The following TMEM269 variants were observed in gnomAD, a reference collection of about 807,000 sequenced individuals.
The protein encoded by TMEM269 is transmembrane protein 269.
In TMEM269, 12 loss-of-function variants were observed where a neutral mutation model predicts 15.8. The observed-to-expected ratio is 0.76, with a 90% CI of 0.49 to 1.23. The LOEUF (loss-of-function observed/expected upper bound fraction) is 1.23. Among genes scored for constraint, TMEM269 ranks in the 50% most tolerant of loss-of-function variants. The pLI is 0.00. For missense variants in TMEM269, 211 were observed against 245.4 expected (o/e 0.86, Z 0.94); for synonymous variants, 93 against 99.3 (o/e 0.94, Z 0.38).
At chr1:42,794,720 A>G in intron 5 of TMEM269, 107 bp downstream of exon 5, 1 of 782,194 alleles carries the variant, frequency 1.3e-6, no homozygotes, top group South Asian at 1.7e-5. Context: ...ATTTTTCCCC[A>G]TAGAACTGAT....
At chr1:42,796,214 C>T (rs1476736225) in intron 5 of TMEM269, among the ~76,000 whole-genome samples, 1 of 152,194 alleles carries the variant, frequency 6.6e-6, no homozygotes, top group South Asian at 2.1e-4. Flanking sequence ...CTTCTCCTAT[C>T]TCATAACAGT....
Position 42,798,484 on chromosome 1 carries a change from A to G in TMEM269, c.*259A>G, listed in dbSNP as rs1653827287. 1 of 422,236 alleles carries G rather than the reference A, an allele frequency of 2.4e-6. No homozygotes were observed. Among genetic ancestry groups the G allele is most frequent in the Admixed American group, 3.6e-5 (1 of 28,124 alleles). 26.2% of individuals were successfully genotyped at this position (422,236 alleles called of 1,614,324 possible). A position where few individuals can be genotyped will look rare whatever the true frequency, so the allele number is the denominator to read the frequency against. ...CAGAATATCCCCCCGCCTCAAGCTC[A>G]ATGTGGGCTGGGTTTGGGTTCCAGC... On this transcript the variant is annotated 3_prime_UTR_variant, in exon 6 of 6. Coordinates refer to ENST00000637012, the MANE Select transcript of TMEM269 (RefSeq NM_001354602.2).
chr1:42,796,026 C>T (rs1285736633), intron 5 of TMEM269, among the ~76,000 whole-genome samples: 1 of 152,206 alleles, frequency 6.6e-6, no homozygotes, highest in Non-Finnish European at 1.5e-5. Context: ...CTAACTCTAG[C>T]ACATATTAGT....
chr1:42,791,668 A>C (rs1241847325), intron 2 of TMEM269, among the ~76,000 whole-genome samples: 1 of 152,252 alleles, frequency 6.6e-6, no homozygotes, highest in East Asian at 1.9e-4. Flanking sequence ...AACTAGAATA[A>C]GAAAAGCAAA....
intron 2 of TMEM269, 94 bp from the exon 3 acceptor site, chr1:42,792,711 G>A (rs1653718753): frequency 1.3e-6 from 1 of 745,056 alleles, no homozygotes; most frequent in African/African-American, 1.7e-5. Context: ...AAGTATATTA[G>A]TGTATACTAA....
In TMEM269 at chr1:42,794,533, T is replaced by G. The variant is rs566183262; in HGVS notation, c.404T>G (p.Leu135Arg). The G allele has an allele frequency of 1.7e-5, 26 of 1,550,706 alleles. No homozygotes were observed. In the African/African-American group the frequency reaches 3.6e-4, roughly 21 times the overall value. ...ILCCMASLMI[L>R]FMMDQSYYPY... ...TGCTGCATGGCCTCACTCATGATTC[T>G]CTTCATGATGGACCAGAGCTACTAT... Residue 135 changes from leucine to arginine, a missense_variant, in exon 5 of 6, where the codon CTC becomes CGC. Transcript: ENST00000637012.
chr1:42,798,343 G>A lies in TMEM269; in HGVS notation c.*118G>A. ...TGTGTTGCCATATACTAGATATATG[G>A]TATGTCTGTTGCCATGAAGTTAGAA... On this transcript the variant is annotated 3_prime_UTR_variant, in exon 6 of 6. Coordinates refer to ENST00000637012, the MANE Select transcript of TMEM269 (RefSeq NM_001354602.2). 7.6e-7 allele frequency: 1 copy of A among 1,313,156 alleles called. No homozygotes were observed. The highest frequency in any genetic ancestry group is 2.5e-5 in the East Asian group (1 of 39,478). The allele number at this position is 1,313,156 out of a possible 1,614,324, so 81.3% of individuals were successfully genotyped here.
chr1:42,789,531 G>A, intron 1 of TMEM269: 1 of 1,524,288 alleles, frequency 6.6e-7, no homozygotes, highest in Non-Finnish European at 8.8e-7. Context: ...GGGCAAAGGT[G>A]CAGTCAGAGA....
In TMEM269 at chr1:42,787,089, CTG is replaced by C. The variant is rs1570502246; in HGVS notation, c.-99+2010_-99+2011del. ...CATTTCCTTGGATAGGTTGTAAACT[CTG>C]TGATGGTAGGGACCAAGGTTTCTAC... On this transcript the variant is annotated intron_variant, in intron 1 of 5. Coordinates refer to ENST00000637012, the MANE Select transcript of TMEM269 (RefSeq NM_001354602.2). 2.0e-5 allele frequency among the ~76,000 whole-genome samples: 3 copies of C among 152,306 alleles called. No homozygotes were observed. In the East Asian group the frequency reaches 5.8e-4, roughly 29 times the overall value.
chr1:42,791,195 G>C (rs1337952330), intron 2 of TMEM269, among the ~76,000 whole-genome samples: 1 of 152,198 alleles, frequency 6.6e-6, no homozygotes, highest in Non-Finnish European at 1.5e-5. Context: ...CCAACAGGCA[G>C]AAAATCAGCA....
At chr1:42,794,674 C>A in intron 5 of TMEM269, 61 bp downstream of exon 5, 1 of 1,155,610 alleles carries the variant, frequency 8.7e-7, no homozygotes, top group Non-Finnish European at 1.3e-6. Flanking sequence ...CACTGTACCT[C>A]ACCCCAGCAT....
chr1:42,789,402 C>T (rs1653638829), intron 1 of TMEM269: 3 of 1,532,452 alleles, frequency 2.0e-6, no homozygotes, highest in Admixed American at 2.0e-5. Context: ...TCAAGCCAAC[C>T]CTTCGTCAGT....
rs1015122743 is a variant in TMEM269 at position 42,800,391 on chromosome 1, A to G, written c.*2166A>G. 6.6e-6 allele frequency: 1 copy of G among 152,214 alleles called. No homozygotes were observed. Among genetic ancestry groups the G allele is most frequent in the Non-Finnish European group, 1.5e-5 (1 of 68,036 alleles). The allele number at this position is 152,214 out of a possible 1,614,324, so 9.4% of individuals were successfully genotyped here. ...TCAGACAGTGGTTTTCTAAAATAGAATGTCTCTTCTTGGGCTTCCTCTTAG... is the reference window on the plus strand; with the variant it reads ...TCAGACAGTGGTTTTCTAAAATAGAGTGTCTCTTCTTGGGCTTCCTCTTAG... On this transcript the variant is annotated 3_prime_UTR_variant, in exon 6 of 6. Transcript: ENST00000637012.
chr1:42,797,649 G>GC lies in TMEM269; in HGVS notation c.485-447dup, dbSNP rs1307271446. Among the ~76,000 whole-genome samples, 1 of 152,244 alleles carries GC rather than the reference G, an allele frequency of 6.6e-6. No individual in the cohort carries two copies. Among genetic ancestry groups the GC allele is most frequent in the Non-Finnish European group, 1.5e-5 (1 of 68,050 alleles). Reference sequence around the variant, plus strand: ...GTTTCCAGCCATCAGCCAAGGGCCAGCCTTGCAAGAAGGCCTTTCTGAGGA... The same window carrying GC: ...GTTTCCAGCCATCAGCCAAGGGCCAGCCCTTGCAAGAAGGCCTTTCTGAGGA... On this transcript the variant is annotated intron_variant, in intron 5 of 5. Coordinates refer to ENST00000637012, the MANE Select transcript of TMEM269 (RefSeq NM_001354602.2). The surrounding 1 kb of genome is among the most constrained non-coding windows in gnomAD (Gnocchi z 4.9).
intron 2 of TMEM269, among the ~76,000 whole-genome samples, chr1:42,791,176 C>A (rs1255204780): frequency 2.0e-5 from 3 of 152,192 alleles, no homozygotes; most frequent in African/African-American, 7.2e-5. Flanking sequence ...CTATCAGAAA[C>A]TGACAGATCC....
At chr1:42,793,483 G>A in intron 3 of TMEM269, 118 bp from the exon 4 acceptor site, 1 of 1,022,852 alleles carries the variant, frequency 9.8e-7, no homozygotes, top group Non-Finnish European at 1.4e-6. Flanking sequence ...GGGAGCAGCT[G>A]TTGCTTTCTG....
At position 42,798,741 on chromosome 1, in the gene TMEM269, T is replaced by TTTTG. The variant is rs1374469482; in HGVS notation, c.*519_*520insGTTT. On this transcript the variant is annotated 3_prime_UTR_variant, in exon 6 of 6. Transcript: ENST00000637012. Reference sequence around the variant, plus strand: ...AACTTCAACATTCTGGGTTTTTTTTTTTTTTTTTTTTTTTTTTTTGAGAAG... The same window carrying TTTTG: ...AACTTCAACATTCTGGGTTTTTTTTTTTTGTTTTTTTTTTTTTTTTTTTGAGAAG... 7.5e-6 allele frequency: 1 copy of TTTTG among 132,680 alleles called. No individual in the cohort carries two copies. Among genetic ancestry groups the TTTTG allele is most frequent in the Non-Finnish European group, 1.6e-5 (1 of 62,188 alleles). The allele number at this position is 132,680 out of a possible 1,614,324, so 8.2% of individuals were successfully genotyped here. A position where few individuals can be genotyped will look rare whatever the true frequency, so the allele number is the denominator to read the frequency against.
At position 42,800,616 on chromosome 1, in the gene TMEM269, G is replaced by T. The variant is rs780809832; in HGVS notation, c.*2391G>T. 2 of 152,132 alleles carry T rather than the reference G, an allele frequency of 1.3e-5. No individual in the cohort carries two copies. The highest frequency in any genetic ancestry group is 2.4e-5 in the African/African-American group (1 of 41,422). 9.4% of individuals were successfully genotyped at this position (152,132 alleles called of 1,614,324 possible). ...GCGGAATCAAGTGACTGAGAATTCTGCTACTCTTTTAGCCCTGTGACCTTG... is the reference window on the plus strand; with the variant it reads ...GCGGAATCAAGTGACTGAGAATTCTTCTACTCTTTTAGCCCTGTGACCTTG... On this transcript the variant is annotated 3_prime_UTR_variant, in exon 6 of 6. Transcript: ENST00000637012.
rs1653648282 is a variant in TMEM269 at position 42,789,778 on chromosome 1, C to T, written c.-98-18C>T. On this transcript the variant is annotated intron_variant, in intron 1 of 5. Transcript: ENST00000637012. ...CCTTAACCTTGGGAACCCTTCGCCC[C>T]TCTCTCTTGGGCCCCAGGTAAGGGT... 7.2e-7 allele frequency: 1 copy of T among 1,396,110 alleles called. No homozygotes were observed. Among genetic ancestry groups the T allele is most frequent in the Non-Finnish European group, 9.9e-7 (1 of 1,006,016 alleles). 86.5% of individuals were successfully genotyped at this position (1,396,110 alleles called of 1,614,324 possible). A position where few individuals can be genotyped will look rare whatever the true frequency, so the allele number is the denominator to read the frequency against.
Sources: allele counts gnomAD v4.1 joint callset (sites outside exome capture counted in the v4.1 genomes callset), GRCh38; gene constraint gnomAD v4.1.1; non-coding constraint Gnocchi (gnomAD v3.1); transcripts MANE v1.5; gene names NCBI Gene and HGNC (gene_info 2026-07-23, HGNC 2026-07-21).